Variants in DOCK3 observed in about 807,000 individuals in gnomAD.
DOCK3 encodes the protein dedicator of cytokinesis protein 3.
DOCK3 carries 60 observed loss-of-function variants against 265.6 expected under a neutral mutation model. The ratio of observed to expected loss-of-function variants is 0.23; its 90% confidence interval spans 0.18 to 0.28. The LOEUF (loss-of-function observed/expected upper bound fraction) is 0.28. Among genes scored for constraint, DOCK3 ranks in the 10% least tolerant of loss-of-function variants. The pLI, the probability that DOCK3 is intolerant of heterozygous loss-of-function variation, is 1.00. For synonymous variants in DOCK3, 881 were observed against 938.0 expected (o/e 0.94, Z 1.11); for missense variants, 1,981 against 2,594.3 (o/e 0.76, Z 5.14).
chr3:51,231,121 CT>C lies in DOCK3; in HGVS notation c.1917+1537del, dbSNP rs754271357. ...TTCGCCAGCATCTGTTATTTTTTGA[CT>C]TTTTTTTTTTTTTTTTTTTTTTTTG... On this transcript the variant is annotated intron_variant, in intron 19 of 52. Transcript: ENST00000266037. Among the ~76,000 whole-genome samples the C allele has an allele frequency of 4.4e-3, 340 of 77,730 alleles. 4 individuals are homozygous for C. The East Asian group carries it at 0.045, about 10-fold the overall frequency. 51.0% of individuals were successfully genotyped at this position (77,730 alleles called of 152,430 possible).
chr3:50,830,458 G>T (rs970646268), intron 2 of DOCK3, among the ~76,000 whole-genome samples: 1 of 152,092 alleles, frequency 6.6e-6, no homozygotes, highest in Admixed American at 6.5e-5. Context: ...TCCATTCATC[G>T]GTGAGGAATA....
chr3:51,262,541 A>G (rs564059413), intron 23 of DOCK3, among the ~76,000 whole-genome samples: 53 of 152,352 alleles, frequency 3.5e-4, no homozygotes, highest in African/African-American at 1.3e-3. Flanking sequence ...CTAGCCAGCA[A>G]GGTAACAAAC....
intron 49 of DOCK3, among the ~76,000 whole-genome samples, chr3:51,365,226 G>A (rs1448550847): frequency 2.6e-5 from 4 of 152,130 alleles, no homozygotes; most frequent in Non-Finnish European, 4.4e-5. Context: ...GGATTCCTAG[G>A]TATTTTATTC....
At chr3:51,156,739 A>G (rs2085870305) in intron 10 of DOCK3, among the ~76,000 whole-genome samples, 4 of 152,204 alleles carry the variant, frequency 2.6e-5, no homozygotes, top group Admixed American at 6.5e-5. Context: ...GAAAAATACC[A>G]TAAATTATAC....
intron 5 of DOCK3, among the ~76,000 whole-genome samples, chr3:50,972,331 G>C (rs2077263324): frequency 6.6e-6 from 1 of 152,216 alleles, no homozygotes; most frequent in African/African-American, 2.4e-5. Context: ...TTTGTGTGCA[G>C]TGGTGGGTAA....
At chr3:51,152,369 T>G (rs1388380693) in intron 10 of DOCK3, among the ~76,000 whole-genome samples, 1 of 152,190 alleles carries the variant, frequency 6.6e-6, no homozygotes, top group African/African-American at 2.4e-5. Context: ...TTCTCTACAC[T>G]GTGTATTCTA....
intron 23 of DOCK3, among the ~76,000 whole-genome samples, chr3:51,261,180 A>G (rs2079829835): frequency 6.6e-6 from 1 of 151,800 alleles, no homozygotes; most frequent in Admixed American, 6.6e-5. Context: ...ATCAACACAA[A>G]AGGCAGGTGA....
At position 51,359,352 on chromosome 3, in the gene DOCK3, G is replaced by A. The variant is rs1485385638; in HGVS notation, c.4885-1159G>A. Among the ~76,000 whole-genome samples, 7 of 152,254 alleles carry A rather than the reference G, an allele frequency of 4.6e-5. No homozygotes were observed. The highest frequency in any genetic ancestry group is 1.7e-4 in the African/African-American group (7 of 41,466). On this transcript the variant is annotated intron_variant, in intron 46 of 52. Transcript: ENST00000266037. The surrounding 1 kb of genome is among the most constrained non-coding windows in gnomAD (Gnocchi z 4.8). ...TTGAGAGGTAGGGGCACATTTTCCA[G>A]AGGAAAGCCTGGAGATCCTGAAATT...
intron 5 of DOCK3, among the ~76,000 whole-genome samples, chr3:50,971,000 AT>A (rs71633052): frequency 0.25 from 10,890 of 42,714 alleles, 1,030 homozygotes; most frequent in Admixed American, 0.36. Context: ...TTAATTTTTA[AT>A]TTTTTTTTTT....
rs533314983 is a variant in DOCK3, at chr3:51,265,427, T to G, written c.2355+5101T>G. Among the ~76,000 whole-genome samples, 12 of 152,272 alleles carry G rather than the reference T, an allele frequency of 7.9e-5. 1 individual carries two copies. In the South Asian group the frequency reaches 2.5e-3, roughly 32 times the overall value. ...GAAAATTTCAGGCCACTATCCCTGA[T>G]GAACATTGATGCGAAAATCCTCAAT... On this transcript the variant is annotated intron_variant, in intron 23 of 52. Transcript: ENST00000266037.
intron 19 of DOCK3, among the ~76,000 whole-genome samples, chr3:51,235,552 A>G (rs544719212): frequency 6.6e-6 from 1 of 152,230 alleles, no homozygotes; most frequent in African/African-American, 2.4e-5. Context: ...CTCTGACCCA[A>G]CCCCAAAGAC....
At position 50,888,377 on chromosome 3, in the gene DOCK3, A is replaced by G. The variant is rs532845465; in HGVS notation, c.163-1649A>G. 3.7e-3 allele frequency among the ~76,000 whole-genome samples: 567 copies of G among 152,316 alleles called. 2 individuals carry two copies. The highest frequency in any genetic ancestry group is 0.013 in the African/African-American group (522 of 41,570). ...AATAAGAGAGGATACAAATAAATGG[A>G]AAAACATTCCATGCTCATGGGTAGG... On this transcript the variant is annotated intron_variant, in intron 3 of 52. Coordinates refer to ENST00000266037, the MANE Select transcript of DOCK3 (RefSeq NM_004947.5).
chr3:51,278,595 C>G, intron 26 of DOCK3: 2 of 947,094 alleles, frequency 2.1e-6, no homozygotes, highest in Non-Finnish European at 2.5e-6. Context: ...GTTGAAGGCA[C>G]TCTCACTGTA....
intron 5 of DOCK3, among the ~76,000 whole-genome samples, chr3:51,007,912 G>C (rs1302195843): frequency 6.6e-6 from 1 of 152,164 alleles, no homozygotes; most frequent in East Asian, 1.9e-4. Context: ...GGTCAGGTTT[G>C]TCAAAGATCA....
intron 5 of DOCK3, among the ~76,000 whole-genome samples, chr3:51,059,549 A>G (rs1260913495): frequency 1.3e-5 from 2 of 151,780 alleles, no homozygotes; most frequent in Non-Finnish European, 2.9e-5. Flanking sequence ...ACTACCTAGC[A>G]ATGGAACTAA....
intron 2 of DOCK3, among the ~76,000 whole-genome samples, chr3:50,839,300 A>G (rs1464246706): frequency 6.6e-6 from 1 of 152,192 alleles, no homozygotes; most frequent in South Asian, 2.1e-4. Context: ...GTAAACATCA[A>G]TTTGTAGTTT....
intron 1 of DOCK3, among the ~76,000 whole-genome samples, chr3:50,753,039 C>T (rs878989533): frequency 6.6e-6 from 1 of 151,998 alleles, no homozygotes; most frequent in Non-Finnish European, 1.5e-5. Flanking sequence ...GAGGCAAATT[C>T]GAGGATATTA....
chr3:50,760,405 A>G (rs933394999), intron 1 of DOCK3, among the ~76,000 whole-genome samples: 3 of 152,152 alleles, frequency 2.0e-5, no homozygotes, highest in South Asian at 4.1e-4. Context: ...GGACTTTACT[A>G]TGGTGCAAAA....
chr3:50,989,768 C>A (rs1030386260), intron 5 of DOCK3, among the ~76,000 whole-genome samples: 2 of 152,190 alleles, frequency 1.3e-5, no homozygotes, highest in Non-Finnish European at 2.9e-5. Context: ...CAGATGACCA[C>A]ACCAGTTCTC....
Sources: gnomAD v4.1 joint callset for allele counts (sites outside exome capture counted in the v4.1 genomes callset) on GRCh38, gnomAD v4.1.1 for gene constraint, Gnocchi (gnomAD v3.1) non-coding constraint, MANE v1.5 for transcripts, NCBI Gene and HGNC (gene_info 2026-07-23, HGNC 2026-07-21) for gene names.